Variants in FBXO11 observed in about 807,000 individuals in gnomAD.
FBXO11 encodes F-box only protein 11.
FBXO11 carries 13 observed loss-of-function variants against 117.0 expected under a neutral mutation model. That is an observed-to-expected ratio of 0.11 (90% CI 0.07 to 0.18). The LOEUF is 0.18. FBXO11 is among the 10% of genes least tolerant of loss of function. The pLI is 1.00. For missense variants in FBXO11, 767 were observed against 1,164.4 expected (o/e 0.66, Z 4.97); for synonymous variants, 490 against 380.5 (o/e 1.29, Z -3.35).
At position 47,905,932 on chromosome 2, in the gene FBXO11, G is replaced by A. The variant is rs981528910; in HGVS notation, c.-212C>T. 1.6e-5 allele frequency: 8 copies of A among 504,902 alleles called. No individual in the cohort carries two copies. Among genetic ancestry groups the A allele is most frequent in the Non-Finnish European group, 2.6e-5 (8 of 304,248 alleles). 31.3% of individuals were successfully genotyped at this position (504,902 alleles called of 1,614,324 possible). A position where few individuals can be genotyped will look rare whatever the true frequency, so the allele number is the denominator to read the frequency against. Reference sequence around the variant, plus strand: ...AGACAGACGGAGACCGAGCGAGGCCGGCCGGGAGGGCCTGACGCACGGGGA... The same window carrying A: ...AGACAGACGGAGACCGAGCGAGGCCAGCCGGGAGGGCCTGACGCACGGGGA... On this transcript the variant is annotated 5_prime_UTR_variant, in exon 1 of 23. Coordinates refer to ENST00000403359, the MANE Select transcript of FBXO11 (RefSeq NM_001190274.2).
intron 1 of FBXO11, among the ~76,000 whole-genome samples, chr2:47,893,124 A>G (rs1467335641): frequency 6.6e-6 from 1 of 152,128 alleles, no homozygotes; most frequent in Non-Finnish European, 1.5e-5. Flanking sequence ...ACTGCACTCC[A>G]GCCTGGATGA....
rs913206339 is a variant in FBXO11 at position 47,883,512 on chromosome 2, T to C, written c.232+21977A>G. 10 of 403,194 alleles carry C rather than the reference T, an allele frequency of 2.5e-5. No individual in the cohort carries two copies. The East Asian group carries it at 3.8e-4, about 15-fold the overall frequency. 25.0% of individuals were successfully genotyped at this position (403,194 alleles called of 1,614,324 possible). A position where few individuals can be genotyped will look rare whatever the true frequency, so the allele number is the denominator to read the frequency against. The stretch of plus-strand genomic sequence containing the variant: ...GACCATCACCCTCCAGATTGAACCC[T>C]TGGATACAACAGAAAATGTAAAGGC... On this transcript the variant is annotated intron_variant, in intron 1 of 22. Coordinates refer to ENST00000403359, the MANE Select transcript of FBXO11 (RefSeq NM_001190274.2).
At position 47,905,784 on chromosome 2, in the gene FBXO11, G is replaced by T. The variant is rs983377765; in HGVS notation, c.-64C>A. 60 of 1,481,834 alleles carry T rather than the reference G, an allele frequency of 4.0e-5. No individual in the cohort carries two copies. The Admixed American group carries it at 8.1e-4, about 20-fold the overall frequency. 91.8% of individuals were successfully genotyped at this position (1,481,834 alleles called of 1,614,324 possible). On this transcript the variant is annotated 5_prime_UTR_variant, in exon 1 of 23. Transcript: ENST00000403359. Reference sequence around the variant, plus strand: ...CACACGCACACGCACAGCGAGCTTCGGGGCAGGAGAAAGGGGTGGGGAGAG... The same window carrying T: ...CACACGCACACGCACAGCGAGCTTCTGGGCAGGAGAAAGGGGTGGGGAGAG...
At position 47,888,156 on chromosome 2, in the gene FBXO11, C is replaced by T. The variant is rs970122482; in HGVS notation, c.232+17333G>A. ...ACACATTTCTTCTGAGAGAGTATTC[C>T]ATGCTCCCATCTACCCCTTGTAACC... On this transcript the variant is annotated intron_variant, in intron 1 of 22. Coordinates refer to ENST00000403359, the MANE Select transcript of FBXO11 (RefSeq NM_001190274.2). Among the ~76,000 whole-genome samples, 7 of 152,278 alleles carry T rather than the reference C, an allele frequency of 4.6e-5. No individual in the cohort carries two copies. In the South Asian group the frequency reaches 1.4e-3, roughly 32 times the overall value.
rs909351697 is a variant in FBXO11 at position 47,807,914 on chromosome 2, A to G, written c.*204T>C. On this transcript the variant is annotated 3_prime_UTR_variant, in exon 23 of 23. Transcript: ENST00000403359. ...CTTCAAGTCTTTACACAGTAATGCT[A>G]AAACACCCAGCTTTGAGATCCTGAG... The G allele has an allele frequency of 3.8e-6, 2 of 523,844 alleles. No individual in the cohort carries two copies. The highest frequency in any genetic ancestry group is 6.8e-6 in the Non-Finnish European group (2 of 294,342). 32.4% of individuals were successfully genotyped at this position (523,844 alleles called of 1,614,324 possible). A position where few individuals can be genotyped will look rare whatever the true frequency, so the allele number is the denominator to read the frequency against.
chr2:47,855,834 A>C (rs1223636949), intron 1 of FBXO11, among the ~76,000 whole-genome samples: 1 of 150,832 alleles, frequency 6.6e-6, no homozygotes, highest in Non-Finnish European at 1.5e-5. Flanking sequence ...CTCCATCTCA[A>C]ACAGTTCAAA....
At chr2:47,897,286 T>C (rs566776362) in intron 1 of FBXO11, among the ~76,000 whole-genome samples, 2 of 152,302 alleles carry the variant, frequency 1.3e-5, no homozygotes, top group South Asian at 2.1e-4. Flanking sequence ...TAAACCCAAG[T>C]AGAGTTGGCA....
intron 3 of FBXO11, 65 bp downstream of exon 3, chr2:47,839,354 T>C: frequency 7.0e-7 from 1 of 1,430,592 alleles, no homozygotes; most frequent in East Asian, 2.3e-5. Flanking sequence ...ATTTTCATTT[T>C]TTGGTATCAA....
intron 5 of FBXO11, among the ~76,000 whole-genome samples, chr2:47,835,178 T>C (rs1276515904): frequency 2.6e-5 from 4 of 152,110 alleles, no homozygotes; most frequent in Admixed American, 2.0e-4. Context: ...CCCAGCCAAA[T>C]AGCAGCAGCA....
At chr2:47,878,554 A>G (rs1276796884) in intron 1 of FBXO11, among the ~76,000 whole-genome samples, 1 of 151,384 alleles carries the variant, frequency 6.6e-6, no homozygotes, top group Non-Finnish European at 1.5e-5. Flanking sequence ...ATGGGGTTTC[A>G]CCATGTTGGC....
At chr2:47,821,861 G>A (rs898564318) in intron 13 of FBXO11, among the ~76,000 whole-genome samples, 6 of 152,026 alleles carry the variant, frequency 3.9e-5, no homozygotes, top group Non-Finnish European at 7.4e-5. Context: ...GGAGACCAAG[G>A]CGGGAAGATC....
At position 47,905,975 on chromosome 2, in the gene FBXO11, CG is replaced by C; in HGVS notation, c.-256del. 2 of 398,698 alleles carry C rather than the reference CG, an allele frequency of 5.0e-6. No homozygotes were observed. Among genetic ancestry groups the C allele is most frequent in the Non-Finnish European group, 9.0e-6 (2 of 222,202 alleles). 24.7% of individuals were successfully genotyped at this position (398,698 alleles called of 1,614,324 possible). A position where few individuals can be genotyped will look rare whatever the true frequency, so the allele number is the denominator to read the frequency against. Reference sequence around the variant, plus strand: ...CACGGGGAAGGCCGAAGCCGCCGGGCGGGGCGGCCGCGAGGGACGAAGGCAG... The same window carrying C: ...CACGGGGAAGGCCGAAGCCGCCGGGCGGGCGGCCGCGAGGGACGAAGGCAG... On this transcript the variant is annotated 5_prime_UTR_variant, in exon 1 of 23. Coordinates refer to ENST00000403359, the MANE Select transcript of FBXO11 (RefSeq NM_001190274.2).
intron 1 of FBXO11, among the ~76,000 whole-genome samples, chr2:47,865,007 G>T (rs1435479471): frequency 3.9e-5 from 6 of 152,194 alleles, no homozygotes; most frequent in East Asian, 1.9e-4. Context: ...CCTATTTATA[G>T]AGTAAAATTT....
intron 1 of FBXO11, among the ~76,000 whole-genome samples, chr2:47,875,003 C>T (rs1675895600): frequency 6.6e-6 from 1 of 151,182 alleles, no homozygotes; most frequent in Non-Finnish European, 1.5e-5. Context: ...ATTCTTAAGT[C>T]TGAGAAAATT....
At chr2:47,823,456 G>C (rs1671523207) in intron 11 of FBXO11, 96 bp from the exon 12 acceptor site, 2 of 944,302 alleles carry the variant, frequency 2.1e-6, no homozygotes, top group Non-Finnish European at 3.1e-6. Context: ...TAAAAATTAA[G>C]TATTAGAAAC....
rs759380717 is a variant in FBXO11, at chr2:47,832,809, G to C, written c.1113C>G (p.Ser371Arg). 3.7e-6 allele frequency: 6 copies of C among 1,613,654 alleles called. No homozygotes were observed. Among genetic ancestry groups the C allele is most frequent in the Non-Finnish European group, 5.1e-6 (6 of 1,179,738 alleles). The change falls in exon 9 of 23, where the codon AGC becomes AGG. Residue 371 changes from serine to arginine, a missense_variant. By Grantham distance (110) the Ser-to-Arg change is moderately radical. Coordinates refer to ENST00000403359, the MANE Select transcript of FBXO11 (RefSeq NM_001190274.2). Reference sequence around the variant, plus strand: ...GGATGATACAGTGATCAATAATAGGGCTACAATTTACTGTAATCTCTAAGC... The same window carrying C: ...GGATGATACAGTGATCAATAATAGGCCTACAATTTACTGTAATCTCTAAGC... ...HHCLEITVNC[S>R]PIIDHCIIRS...
chr2:47,861,715 G>C (rs1674791749), intron 1 of FBXO11, among the ~76,000 whole-genome samples: 1 of 152,026 alleles, frequency 6.6e-6, no homozygotes, highest in South Asian at 2.1e-4. Flanking sequence ...TTTGGCTTCT[G>C]GGAAAGAGAC....
intron 16 of FBXO11, among the ~76,000 whole-genome samples, chr2:47,815,924 C>G (rs559087139): frequency 6.6e-6 from 1 of 152,320 alleles, no homozygotes; most frequent in East Asian, 1.9e-4. Flanking sequence ...CCTCGAGGGC[C>G]TTTTGAAGCC....
intron 1 of FBXO11, among the ~76,000 whole-genome samples, chr2:47,840,088 C>T (rs1173821448): frequency 3.3e-5 from 5 of 151,924 alleles, no homozygotes; most frequent in South Asian, 2.1e-4. Context: ...GGACTACAGG[C>T]GCCCGCCACC....
Sources: allele counts gnomAD v4.1 joint callset (sites outside exome capture counted in the v4.1 genomes callset), GRCh38; gene constraint gnomAD v4.1.1; transcripts MANE v1.5; gene names NCBI Gene and HGNC (gene_info 2026-07-23, HGNC 2026-07-21).